FLRT1: variants seen among roughly 807,000 people sequenced by gnomAD.
FLRT1 encodes fibronectin leucine rich transmembrane protein 1.
FLRT1 carries 14 observed loss-of-function variants against 30.9 expected under a neutral mutation model. The observed-to-expected ratio is 0.45, with a 90% CI of 0.30 to 0.71. FLRT1 has a LOEUF of 0.71. Ranked by LOEUF, FLRT1 falls within the 30% of genes least tolerant of loss-of-function variation. The pLI, the probability that FLRT1 is intolerant of heterozygous loss-of-function variation, is 0.08. For missense variants in FLRT1, 737 were observed against 949.2 expected (o/e 0.78, Z 2.94); for synonymous variants, 368 against 430.4 (o/e 0.85, Z 1.80).
chr11:64,047,048 C>G (rs528896496), intron 1 of FLRT1, among the ~76,000 whole-genome samples: 1 of 152,302 alleles, frequency 6.6e-6, no homozygotes, highest in African/African-American at 2.4e-5. Flanking sequence ...AGTGCCCCCC[C>G]CGGCTAGCAT....
At chr11:64,041,092 C>T (rs1249547850) in intron 1 of FLRT1, among the ~76,000 whole-genome samples, 1 of 150,788 alleles carries the variant, frequency 6.6e-6, no homozygotes, top group Non-Finnish European at 1.5e-5. Flanking sequence ...TTCCTGCCCG[C>T]GTCACTCTCC....
chr11:64,100,249 C>A (rs1164552970), intron 1 of FLRT1, among the ~76,000 whole-genome samples: 2 of 152,160 alleles, frequency 1.3e-5, no homozygotes, highest in Non-Finnish European at 2.9e-5. Flanking sequence ...TCGGCCAAAA[C>A]GCAGAGGGTG....
chr11:64,116,433 T>C lies in FLRT1; in HGVS notation c.166T>C (p.Ser56Pro). The C allele has an allele frequency of 6.2e-7, 1 of 1,613,866 alleles. No homozygotes were observed. The highest frequency in any genetic ancestry group is 8.5e-7 in the Non-Finnish European group (1 of 1,179,990). Residue 56 changes from serine (S) to proline (P), a missense_variant, in exon 3 of 3, where the codon TCG becomes CCG. By Grantham distance (74) the Ser-to-Pro change is moderately conservative. Transcript: ENST00000682287. Reference sequence around the variant, plus strand: ...GGTCATCGACAGCACCACCTGCCCCTCGGTGTGCCGCTGCGACAACGGCTT... The same window carrying C: ...GGTCATCGACAGCACCACCTGCCCCCCGGTGTGCCGCTGCGACAACGGCTT... ...TEVIDSTTCP[S>P]VCRCDNGFIY...
chr11:64,117,002 C>A lies in FLRT1; in HGVS notation c.735C>A (p.Ser245Arg). ...ANQRIADDTF[S>R]RLQNLTELSL... is the part of the protein sequence containing the mutation. ...AGCGCATCGCCGACGACACCTTCAG[C>A]CGCCTACAGAACCTCACAGAGCTCT... Residue 245 changes from serine to arginine, a missense_variant, in exon 3 of 3, where the codon AGC becomes AGA. Ser to Arg is a moderately radical substitution (Grantham distance 110, BLOSUM62 -1). Coordinates refer to ENST00000682287, the MANE Select transcript of FLRT1 (RefSeq NM_013280.5). 1 of 1,612,350 alleles carries A rather than the reference C, an allele frequency of 6.2e-7. No homozygotes were observed. The highest frequency in any genetic ancestry group is 8.5e-7 in the Non-Finnish European group (1 of 1,179,770).
intron 1 of FLRT1, among the ~76,000 whole-genome samples, chr11:64,071,921 TGACACTTCTAGGTCCC>T (rs1944114895): frequency 6.6e-6 from 1 of 152,178 alleles, no homozygotes; most frequent in Non-Finnish European, 1.5e-5. Flanking sequence ...ATCTGCCCAG[TGACACTTCTAGGTCCC>T]GGCTCTGCAG....
intron 1 of FLRT1, among the ~76,000 whole-genome samples, chr11:64,077,663 A>AC (rs1271801791): frequency 2.6e-5 from 4 of 151,890 alleles, no homozygotes; most frequent in Non-Finnish European, 1.5e-5. Context: ...ATGCTGGCAC[A>AC]CCCCCACCTG....
chr11:64,036,068 T>C lies in FLRT1; in HGVS notation c.-1129T>C, dbSNP rs1943374262. On this transcript the variant is annotated 5_prime_UTR_variant, in exon 1 of 3. Transcript: ENST00000682287. The surrounding 1 kb of genome is among the most constrained non-coding windows in gnomAD (Gnocchi z 5.6). The stretch of plus-strand genomic sequence containing the variant: ...GGCCCCCCTGGGCGCCCTCCGGCTC[T>C]GGTTCCCGCCCGCTCCTTGGAATAA... 6.6e-6 allele frequency: 1 copy of C among 151,572 alleles called. No individual in the cohort carries two copies. The highest frequency in any genetic ancestry group is 1.5e-5 in the Non-Finnish European group (1 of 67,902). 9.4% of individuals were successfully genotyped at this position (151,572 alleles called of 1,614,324 possible).
chr11:64,050,596 G>T (rs905485429), intron 1 of FLRT1, among the ~76,000 whole-genome samples: 2 of 152,184 alleles, frequency 1.3e-5, no homozygotes, highest in African/African-American at 4.8e-5. Context: ...ACACAGTGAG[G>T]GCTGTCCAGC....
chr11:64,095,933 A>G (rs660070), intron 1 of FLRT1, among the ~76,000 whole-genome samples: 27,138 of 151,984 alleles, frequency 0.18, 2,953 homozygotes, highest in Non-Finnish European at 0.24. Flanking sequence ...GTTCTCTGAC[A>G]GCTCCTCGCT....
chr11:64,060,380 C>T (rs1367296499), intron 1 of FLRT1: 1 of 152,258 alleles, frequency 6.6e-6, no homozygotes, highest in Non-Finnish European at 1.5e-5. Context: ...CTGCCAGACC[C>T]AGAAGGCCTC....
Position 64,117,853 on chromosome 11 carries a change from C to G in FLRT1, c.1586C>G (p.Thr529Arg), listed in dbSNP as rs931759458. ...DETPVCAKAETADSYGPTTTL... is the reference protein window; with the variant it reads ...DETPVCAKAERADSYGPTTTL... ...ACACCCGTGTGTGCCAAGGCAGAGACAGCCGACAGCTATGGCCCTACCACC... is the reference window on the plus strand; with the variant it reads ...ACACCCGTGTGTGCCAAGGCAGAGAGAGCCGACAGCTATGGCCCTACCACC... The change falls in exon 3 of 3, where the codon ACA becomes AGA. Residue 529 changes from threonine (T) to arginine (R), a missense_variant. Thr to Arg is a moderately conservative substitution (Grantham distance 71). Transcript: ENST00000682287. 2 of 1,614,062 alleles carry G rather than the reference C, an allele frequency of 1.2e-6. No homozygotes were observed. Among genetic ancestry groups the G allele is most frequent in the East Asian group, 2.2e-5 (1 of 44,898 alleles).
intron 1 of FLRT1, among the ~76,000 whole-genome samples, chr11:64,042,696 C>G (rs149178846): frequency 6.6e-6 from 1 of 152,176 alleles, no homozygotes; most frequent in Non-Finnish European, 1.5e-5. Context: ...CTCCCCTGAT[C>G]CCCCAGTCAC....
chr11:64,088,676 C>T (rs774491950), intron 1 of FLRT1, among the ~76,000 whole-genome samples: 4 of 152,156 alleles, frequency 2.6e-5, no homozygotes, highest in Admixed American at 1.3e-4. Context: ...GCAAGTCACT[C>T]GACCCCTCTG....
chr11:64,052,271 T>G (rs1220999967), intron 1 of FLRT1, among the ~76,000 whole-genome samples: 1 of 152,030 alleles, frequency 6.6e-6, no homozygotes, highest in Non-Finnish European at 1.5e-5. Context: ...AAAAAACAAC[T>G]TTTTTTGCTG....
chr11:64,050,218 G>C (rs1943667317), intron 1 of FLRT1, among the ~76,000 whole-genome samples: 1 of 152,120 alleles, frequency 6.6e-6, no homozygotes, highest in Non-Finnish European at 1.5e-5. Context: ...TGGGGATGCA[G>C]GGAGGGCCGA....
chr11:64,090,526 C>T lies in FLRT1; in HGVS notation c.-1037-12668C>T, dbSNP rs907554932. Among the ~76,000 whole-genome samples, 5 of 152,248 alleles carry T rather than the reference C, an allele frequency of 3.3e-5. No homozygotes were observed. The highest frequency in any genetic ancestry group is 3.4e-3 in the Middle Eastern group (1 of 294). ...ACATTTGCTTCCCCGGGCCCTCCCT[C>T]GACCGGCTCTGCCTGCTCACAGGTG... On this transcript the variant is annotated intron_variant, in intron 1 of 2. Coordinates refer to ENST00000682287, the MANE Select transcript of FLRT1 (RefSeq NM_013280.5). The surrounding 1 kb of genome is among the most constrained non-coding windows in gnomAD (Gnocchi z 4.7).
chr11:64,101,519 C>G (rs948456520), intron 1 of FLRT1, among the ~76,000 whole-genome samples: 1 of 152,198 alleles, frequency 6.6e-6, no homozygotes, highest in Non-Finnish European at 1.5e-5. Flanking sequence ...TGCCAAGGCC[C>G]GCTGCCCCTG....
intron 2 of FLRT1, among the ~76,000 whole-genome samples, chr11:64,114,194 AGATG>A (rs1224090833): frequency 1.7e-5 from 2 of 119,056 alleles, no homozygotes; most frequent in Non-Finnish European, 3.5e-5. Flanking sequence ...ATGGATGGTT[AGATG>A]GATGGATGGA....
intron 2 of FLRT1, among the ~76,000 whole-genome samples, chr11:64,109,572 A>G (rs1333301490): frequency 6.6e-6 from 1 of 152,122 alleles, no homozygotes; most frequent in African/African-American, 2.4e-5. Flanking sequence ...TGGAGGAGGT[A>G]GGGAACTATT....
Sources: gnomAD v4.1 joint callset for allele counts (sites outside exome capture counted in the v4.1 genomes callset) on GRCh38, gnomAD v4.1.1 for gene constraint, Gnocchi (gnomAD v3.1) non-coding constraint, MANE v1.5 for transcripts, NCBI Gene and HGNC (gene_info 2026-07-23, HGNC 2026-07-21) for gene names.